The following SLMAP variants were observed in gnomAD, a reference collection of about 807,000 sequenced individuals.
SLMAP encodes sarcolemmal membrane-associated protein.
Under a neutral mutation model 128.8 loss-of-function variants are expected in SLMAP, and 44 were observed. That is an observed-to-expected ratio of 0.34 (90% CI 0.27 to 0.44). The LOEUF is 0.44. SLMAP is among the 20% of genes least tolerant of loss of function. The pLI is 1.00. For synonymous variants in SLMAP, 327 were observed against 348.8 expected (o/e 0.94, Z 0.70); for missense variants, 787 against 985.3 (o/e 0.80, Z 2.69).
At chr3:57,852,357 T>G (rs2094538971) in intron 6 of SLMAP, among the ~76,000 whole-genome samples, 1 of 152,208 alleles carries the variant, frequency 6.6e-6, no homozygotes, top group Non-Finnish European at 1.5e-5. Context: ...AGAAAAACAT[T>G]ACACATTTGG....
In SLMAP at chr3:57,857,687, A is replaced by G. The variant is rs371153017; in HGVS notation, c.520-46A>G. The G allele has an allele frequency of 1.6e-4, 199 of 1,268,184 alleles. No individual in the cohort carries two copies. The African/African-American group carries it at 2.8e-3, about 18-fold the overall frequency. The allele number at this position is 1,268,184 out of a possible 1,614,324, so 78.6% of individuals were successfully genotyped here. A position where few individuals can be genotyped will look rare whatever the true frequency, so the allele number is the denominator to read the frequency against. On this transcript the variant is annotated intron_variant, in intron 6 of 24. Coordinates refer to ENST00000671191, the MANE Select transcript of SLMAP (RefSeq NM_001377540.1). Reference sequence around the variant, plus strand: ...TGAAAATTGATCACTCCTCAAAAGAATCATGATGAGCTTATTAGAATCTGT... The same window carrying G: ...TGAAAATTGATCACTCCTCAAAAGAGTCATGATGAGCTTATTAGAATCTGT...
chr3:57,873,805 T>C (rs537508231), intron 14 of SLMAP, among the ~76,000 whole-genome samples: 1 of 152,158 alleles, frequency 6.6e-6, no homozygotes, highest in Admixed American at 6.6e-5. Context: ...TGAGACCCGT[T>C]CCTATAAAAA....
At chr3:57,847,162 GA>G in intron 4 of SLMAP, 34 bp from the exon 5 acceptor site, 1 of 1,447,908 alleles carries the variant, frequency 6.9e-7, no homozygotes, top group Non-Finnish European at 9.6e-7. Context: ...CTATTGTCCG[GA>G]TATTAGATAA....
At chr3:57,821,738 T>A (rs1366914530) in intron 2 of SLMAP, among the ~76,000 whole-genome samples, 1 of 152,156 alleles carries the variant, frequency 6.6e-6, no homozygotes, top group African/African-American at 2.4e-5. Flanking sequence ...CCTAAAACAA[T>A]ATTTCATCAA....
chr3:57,783,828 G>A (rs769708899), intron 2 of SLMAP, among the ~76,000 whole-genome samples: 1 of 152,186 alleles, frequency 6.6e-6, no homozygotes, highest in Non-Finnish European at 1.5e-5. Flanking sequence ...ACAATTTTGA[G>A]TCAGGGCCAG....
At chr3:57,852,714 T>G (rs2094551604) in intron 6 of SLMAP, among the ~76,000 whole-genome samples, 1 of 152,206 alleles carries the variant, frequency 6.6e-6, no homozygotes, top group South Asian at 2.1e-4. Flanking sequence ...ATGAGAAATG[T>G]GGGGCTCATA....
At position 57,867,323 on chromosome 3, in the gene SLMAP, T is replaced by C. The variant is rs982429368; in HGVS notation, c.1237+2031T>C. On this transcript the variant is annotated intron_variant, in intron 13 of 24. Coordinates refer to ENST00000671191, the MANE Select transcript of SLMAP (RefSeq NM_001377540.1). ...TTTTATGTACATGGAACCATCTTTA[T>C]ACTATTTAGAGTTGTAAAATTACTG... Among the ~76,000 whole-genome samples the C allele has an allele frequency of 4.6e-5, 7 of 152,396 alleles. No individual in the cohort carries two copies. The Middle Eastern group carries it at 0.01, about 222-fold the overall frequency.
intron 17 of SLMAP, among the ~76,000 whole-genome samples, chr3:57,905,020 G>A (rs1487234314): frequency 6.6e-6 from 1 of 152,120 alleles, no homozygotes; most frequent in Non-Finnish European, 1.5e-5. Context: ...GCAGTGAACT[G>A]TGATGGCACA....
intron 21 of SLMAP, 36 bp from the exon 22 acceptor site, chr3:57,916,870 C>T: frequency 1.3e-6 from 2 of 1,577,266 alleles, no homozygotes; most frequent in Non-Finnish European, 1.7e-6. Flanking sequence ...CCAGTTTCTA[C>T]CTGTGAATAA....
intron 10 of SLMAP, 28 bp from the exon 11 acceptor site, chr3:57,864,520 A>T: frequency 6.6e-7 from 1 of 1,516,370 alleles, no homozygotes; most frequent in Non-Finnish European, 8.9e-7. Context: ...TAGGTTTGTT[A>T]AATAACTGAA....
chr3:57,852,111 C>T (rs936570205), intron 6 of SLMAP, among the ~76,000 whole-genome samples: 2 of 151,708 alleles, frequency 1.3e-5, no homozygotes, highest in African/African-American at 2.4e-5. Context: ...GAGGTTTCAC[C>T]GTGTTAGCCA....
At chr3:57,837,555 G>A (rs1361431077) in intron 3 of SLMAP, among the ~76,000 whole-genome samples, 1 of 152,064 alleles carries the variant, frequency 6.6e-6, no homozygotes, top group African/African-American at 2.4e-5. Context: ...ATTTTTAGTA[G>A]AGACAAGGTT....
rs189995885 is a variant in SLMAP, at chr3:57,770,034, G to A, written c.198+12185G>A. Among the ~76,000 whole-genome samples the A allele has an allele frequency of 2.2e-4, 34 of 152,282 alleles. No homozygotes were observed. In the East Asian group the frequency reaches 6.0e-3, roughly 27 times the overall value. On this transcript the variant is annotated intron_variant, in intron 2 of 24. Coordinates refer to ENST00000671191, the MANE Select transcript of SLMAP (RefSeq NM_001377540.1). ...GATGTATGCAGGCACATACATAGAAGCAGTAAAGTATTGTTAGGATGAACT... is the reference window on the plus strand; with the variant it reads ...GATGTATGCAGGCACATACATAGAAACAGTAAAGTATTGTTAGGATGAACT...
chr3:57,813,961 C>CT (rs879747635), intron 2 of SLMAP, among the ~76,000 whole-genome samples: 80 of 140,754 alleles, frequency 5.7e-4, no homozygotes, highest in East Asian at 3.7e-3. Flanking sequence ...CCATACATGT[C>CT]TTTTTTTTTT....
intron 17 of SLMAP, among the ~76,000 whole-genome samples, chr3:57,906,672 A>AT (rs2096574600): frequency 1.0e-4 from 3 of 30,002 alleles, no homozygotes; most frequent in Admixed American, 4.5e-4. Context: ...ATATGAAAAA[A>AT]AAATATATAT....
rs35541333 is a variant in SLMAP at position 57,885,771 on chromosome 3, C to CTTTTTTTTTTT, written c.1301-4250_1301-4240dup. Among the ~76,000 whole-genome samples, 23 of 53,580 alleles carry CTTTTTTTTTTT rather than the reference C, an allele frequency of 4.3e-4. 3 individuals are homozygous for CTTTTTTTTTTT. Among genetic ancestry groups the CTTTTTTTTTTT allele is most frequent in the Non-Finnish European group, 7.3e-4 (22 of 30,196 alleles). The allele number at this position is 53,580 out of a possible 152,430, so 35.2% of individuals were successfully genotyped here. Reference sequence around the variant, plus strand: ...TTGTTTTGCTTTTCGGTTTTTGGTTCTTTTTTTTTTTTTTTTTTTTTTTTT... The same window carrying CTTTTTTTTTTT: ...TTGTTTTGCTTTTCGGTTTTTGGTTCTTTTTTTTTTTTTTTTTTTTTTTTTTTTTTTTTTTT... On this transcript the variant is annotated intron_variant, in intron 14 of 24. Transcript: ENST00000671191.
chr3:57,879,890 C>T (rs907872957), intron 14 of SLMAP, among the ~76,000 whole-genome samples: 3 of 151,006 alleles, frequency 2.0e-5, no homozygotes, highest in Non-Finnish European at 2.9e-5. Context: ...GTGGAGGTTG[C>T]AGTGAGCCAA....
chr3:57,793,340 A>G (rs987720618), intron 2 of SLMAP, among the ~76,000 whole-genome samples: 1 of 152,224 alleles, frequency 6.6e-6, no homozygotes, highest in Admixed American at 6.5e-5. Context: ...ATTTCTAGAT[A>G]TGAATTTCTA....
At chr3:57,907,756 A>C in intron 17 of SLMAP, 128 bp from the exon 18 acceptor site, 1 of 784,868 alleles carries the variant, frequency 1.3e-6, no homozygotes, top group Non-Finnish European at 1.9e-6. Flanking sequence ...TTTGCTTCTA[A>C]GTTTTATTTA....
Sources: allele counts gnomAD v4.1 joint callset (sites outside exome capture counted in the v4.1 genomes callset), GRCh38; gene constraint gnomAD v4.1.1; transcripts MANE v1.5; gene names NCBI Gene and HGNC (gene_info 2026-07-23, HGNC 2026-07-21).